Variants in GTPBP2 observed in about 807,000 individuals in gnomAD.
GTPBP2 encodes the protein GTP binding protein 2.
A neutral mutation model predicts 63.0 loss-of-function variants in GTPBP2; 32 were observed. The observed-to-expected ratio is 0.51, with a 90% CI of 0.38 to 0.68. The LOEUF is 0.68. GTPBP2 is among the 30% of genes least tolerant of loss of function. The pLI is 0.00. For missense variants in GTPBP2, 492 were observed against 796.9 expected, an observed-to-expected ratio of 0.62 and a Z score of 4.61; for synonymous variants, 310 against 322.6, an observed-to-expected ratio of 0.96 and a Z score of 0.42.
Position 43,622,672 on chromosome 6 carries a change from T to A in GTPBP2, c.1428A>T (p.Thr476=). 1 of 1,613,984 alleles carries A rather than the reference T, an allele frequency of 6.2e-7. No individual in the cohort carries two copies. The highest frequency in any genetic ancestry group is 8.5e-7 in the Non-Finnish European group (1 of 1,179,868). The change falls in exon 10 of 12, where the codon ACA becomes ACT. Residue 476 remains threonine, a synonymous_variant. Coordinates refer to ENST00000307126, the MANE Select transcript of GTPBP2 (RefSeq NM_019096.5). This position sits in a 1 kb window ranked among gnomAD's most constrained non-coding sequence, Gnocchi z 5.4. ...CACGGTCAAAGTCCCCAAGCGCCAG[T>A]GTAGCAGCCTGACCAGCTCGCAGCA... The part of the protein sequence containing the change: ...CRVLRAGQAA[T]LALGDFDRAL...
chr6:43,627,617 C>T (rs1446911069), intron 1 of GTPBP2, among the ~76,000 whole-genome samples: 1 of 152,196 alleles, frequency 6.6e-6, no homozygotes, highest in Non-Finnish European at 1.5e-5. Flanking sequence ...ATCCTGAATC[C>T]ACCCCACAGT....
upstream of GTPBP2, among the ~76,000 whole-genome samples, chr6:43,630,699 C>A (rs1397894073): frequency 1.3e-5 from 2 of 149,384 alleles, no homozygotes; most frequent in African/African-American, 5.0e-5. Context: ...CCCGAGATCA[C>A]GCCATTGCAC....
In GTPBP2 at chr6:43,627,878, TC is replaced by T. The variant is rs574083013; in HGVS notation, c.187-931del. Among the ~76,000 whole-genome samples, 734 of 151,614 alleles carry T rather than the reference TC, an allele frequency of 4.8e-3. 4 individuals are homozygous for T. The highest frequency in any genetic ancestry group is 8.7e-3 in the Non-Finnish European group (595 of 68,024). ...GGTGTGTTAAGGAGATTATTTTTTT[TC>T]CCCATCAATAAAAACCTTTTAATCA... is the stretch of plus-strand genomic sequence containing the variant. On this transcript the variant is annotated intron_variant, in intron 1 of 11. Transcript: ENST00000307126.
At position 43,622,020 on chromosome 6, in the gene GTPBP2, C is replaced by T. The variant is rs1286067142; in HGVS notation, c.1615G>A (p.Glu539Lys). 1.2e-6 allele frequency: 2 copies of T among 1,614,210 alleles called. No homozygotes were observed. The highest frequency in any genetic ancestry group is 8.5e-7 in the Non-Finnish European group (1 of 1,180,034). Reference sequence around the variant, plus strand: ...CCTCTCACCTTGGCATGGATCTTTTCCACCACTGCCGTCTGACGTACGTTG... The same window carrying T: ...CCTCTCACCTTGGCATGGATCTTTTTCACCACTGCCGTCTGACGTACGTTG... ...VGNVRQTAVV[E>K]KIHAKDKLRT... Residue 539 changes from glutamate to lysine, a missense_variant, in exon 11 of 12, where the codon GAA becomes AAA. Transcript: ENST00000307126. This position sits in a 1 kb window ranked among gnomAD's most constrained non-coding sequence, Gnocchi z 5.4.
At chr6:43,621,973 T>C (rs1561922065) in intron 11 of GTPBP2, 30 bp downstream of exon 11, 2 of 1,613,098 alleles carry the variant, frequency 1.2e-6, no homozygotes, top group Non-Finnish European at 1.7e-6. Flanking sequence ...TTCTGACCTC[T>C]GGAGAAATGG....
rs371010958 is a variant in GTPBP2, at chr6:43,624,623, T to C, written c.987A>G (p.Thr329=). 2.5e-6 allele frequency: 4 copies of C among 1,613,996 alleles called. No individual in the cohort carries two copies. The highest frequency in any genetic ancestry group is 3.3e-5 in the Admixed American group (2 of 60,000). The change falls in exon 7 of 12, where the codon ACA becomes ACG. Residue 329 remains threonine (T), a synonymous_variant. Coordinates refer to ENST00000307126, the MANE Select transcript of GTPBP2 (RefSeq NM_019096.5). The surrounding 1 kb of genome is among the most constrained non-coding windows in gnomAD (Gnocchi z 5.1). The stretch of plus-strand genomic sequence containing the variant: ...TGAGGACCCGCTCCAGCTGGCGTAC[T>C]GTCCTCTCCACTGTGGTCTTGGCAC... The part of the protein sequence containing the change: ...DLCAKTTVER[T]VRQLERVLKQ...
In GTPBP2 at chr6:43,620,551, A is replaced by G. The variant is rs1370804581; in HGVS notation, c.*1063T>C. ...TATGTGTATTTAAATATATATACATATGTATATATATATATATGCACAGAG... is the reference window on the plus strand; with the variant it reads ...TATGTGTATTTAAATATATATACATGTGTATATATATATATATGCACAGAG... On this transcript the variant is annotated 3_prime_UTR_variant, in exon 12 of 12. Coordinates refer to ENST00000307126, the MANE Select transcript of GTPBP2 (RefSeq NM_019096.5). 6.2e-6 allele frequency: 1 copy of G among 160,660 alleles called. No homozygotes were observed. The highest frequency in any genetic ancestry group is 2.5e-5 in the African/African-American group (1 of 40,060). 10.0% of individuals were successfully genotyped at this position (160,660 alleles called of 1,614,324 possible). A position where few individuals can be genotyped will look rare whatever the true frequency, so the allele number is the denominator to read the frequency against.
Position 43,621,996 on chromosome 6 carries a change from C to T in GTPBP2, c.1632+7G>A. The T allele has an allele frequency of 6.2e-7, 1 of 1,613,952 alleles. No individual in the cohort carries two copies. On this transcript the variant is annotated splice_region_variant and intron_variant, in intron 11 of 11. Transcript: ENST00000307126. ...TCTGGAGAAATGGAAGGCCAGGTCCCTCTCACCTTGGCATGGATCTTTTCC... is the reference window on the plus strand; with the variant it reads ...TCTGGAGAAATGGAAGGCCAGGTCCTTCTCACCTTGGCATGGATCTTTTCC...
At position 43,629,062 on chromosome 6, in the gene GTPBP2, C is replaced by G. The variant is rs1769698591; in HGVS notation, c.101G>C (p.Ser34Thr). The change falls in exon 1 of 12, where the codon AGC (serine) becomes ACC (threonine). Residue 34 changes from serine to threonine, a missense_variant. This residue lies in a region of GTPBP2 where 92 missense variants were observed against 86.1 expected (regional missense o/e 1.07). Transcript: ENST00000307126. Reference sequence around the variant, plus strand: ...CTTTCCCTTTGGCCCCCCGCAGCCGCTGCTGCTGCCGGCCCCCCTAGCCTT... The same window carrying G: ...CTTTCCCTTTGGCCCCCCGCAGCCGGTGCTGCTGCCGGCCCCCCTAGCCTT... ...TLKARGAGSS[S>T]GCGGPKGKKK... 31 of 1,608,280 alleles carry G rather than the reference C, an allele frequency of 1.9e-5. No homozygotes were observed. Among genetic ancestry groups the G allele is most frequent in the Non-Finnish European group, 2.6e-5 (31 of 1,177,388 alleles).
upstream of GTPBP2, among the ~76,000 whole-genome samples, chr6:43,630,312 A>G (rs957904283): frequency 1.3e-5 from 2 of 152,232 alleles, no homozygotes; most frequent in African/African-American, 4.8e-5. Flanking sequence ...AAAAGCAGTT[A>G]TGTTGCTGAG....
Position 43,621,144 on chromosome 6 carries a change from G to C in GTPBP2, c.*470C>G. The C allele has an allele frequency of 3.0e-6, 1 of 328,220 alleles. No homozygotes were observed. 20.3% of individuals were successfully genotyped at this position (328,220 alleles called of 1,614,324 possible). A position where few individuals can be genotyped will look rare whatever the true frequency, so the allele number is the denominator to read the frequency against. ...CACCACCACCAGATGGCCAAGAGCA[G>C]ATAACCTTTTGTCCACAGCCAGGTA... On this transcript the variant is annotated 3_prime_UTR_variant, in exon 12 of 12. Coordinates refer to ENST00000307126, the MANE Select transcript of GTPBP2 (RefSeq NM_019096.5).
In GTPBP2 at chr6:43,622,926, TA is replaced by T. The variant is rs1306067329; in HGVS notation, c.1296-123del. ...GAGTCCCTCAAGTGGGGAAGAACCCTAAATTCTGACTTGGATGTAACAGGGC... is the reference window on the plus strand; with the variant it reads ...GAGTCCCTCAAGTGGGGAAGAACCCTAATTCTGACTTGGATGTAACAGGGC... On this transcript the variant is annotated intron_variant, in intron 9 of 11. Coordinates refer to ENST00000307126, the MANE Select transcript of GTPBP2 (RefSeq NM_019096.5). This position sits in a 1 kb window ranked among gnomAD's most constrained non-coding sequence, Gnocchi z 5.4. The T allele has an allele frequency of 2.7e-6, 2 of 731,674 alleles. No homozygotes were observed. The highest frequency in any genetic ancestry group is 4.4e-6 in the Non-Finnish European group (2 of 455,596). The allele number at this position is 731,674 out of a possible 1,614,324, so 45.3% of individuals were successfully genotyped here. A position where few individuals can be genotyped will look rare whatever the true frequency, so the allele number is the denominator to read the frequency against.
chr6:43,626,837 A>AAAG lies in GTPBP2; in HGVS notation c.213+84_213+85insCTT. The AAAG allele has an allele frequency of 3.5e-6, 4 of 1,141,932 alleles. No homozygotes were observed. The highest frequency in any genetic ancestry group is 5.1e-6 in the Non-Finnish European group (4 of 784,600). The allele number at this position is 1,141,932 out of a possible 1,614,324, so 70.7% of individuals were successfully genotyped here. On this transcript the variant is annotated intron_variant, in intron 2 of 11. Coordinates refer to ENST00000307126, the MANE Select transcript of GTPBP2 (RefSeq NM_019096.5). This position sits in a 1 kb window ranked among gnomAD's most constrained non-coding sequence, Gnocchi z 4.0. ...GAGCAAAACTTCATCTCAAAAAAAA[A>AAAG]AAAGAAAGAAAGAAAAAAGAAATTA... is the stretch of plus-strand genomic sequence containing the variant.
chr6:43,623,446 G>GT (rs1218847395), intron 9 of GTPBP2: 2 of 449,632 alleles, frequency 4.4e-6, no homozygotes, highest in African/African-American at 4.0e-5. Context: ...TCATTTCCCT[G>GT]TGTGAGATGA....
In GTPBP2 at chr6:43,624,215, T is replaced by C. The variant is rs1401236254; in HGVS notation, c.1101-147A>G. 3 of 701,132 alleles carry C rather than the reference T, an allele frequency of 4.3e-6. No individual in the cohort carries two copies. Among genetic ancestry groups the C allele is most frequent in the East Asian group, 2.6e-5 (1 of 38,336 alleles). 43.4% of individuals were successfully genotyped at this position (701,132 alleles called of 1,614,324 possible). A position where few individuals can be genotyped will look rare whatever the true frequency, so the allele number is the denominator to read the frequency against. On this transcript the variant is annotated intron_variant, in intron 7 of 11. Coordinates refer to ENST00000307126, the MANE Select transcript of GTPBP2 (RefSeq NM_019096.5). The surrounding 1 kb of genome is among the most constrained non-coding windows in gnomAD (Gnocchi z 5.1). ...ATGGCTCAGGAACTCTGGGCCTTCT[T>C]GTGAGCCAGTCGAGCAATGTCACAC...
chr6:43,630,162 C>T (rs995668297), upstream of GTPBP2, among the ~76,000 whole-genome samples: 1 of 152,232 alleles, frequency 6.6e-6, no homozygotes, highest in African/African-American at 2.4e-5. Flanking sequence ...GGAATAGAAA[C>T]TTGGCCTAGG....
chr6:43,625,504 C>T lies in GTPBP2; in HGVS notation c.564G>A (p.Leu188=). The change falls in exon 5 of 12, where the codon CTG becomes CTA. Residue 188 remains leucine (L), a synonymous_variant. Transcript: ENST00000307126. This position sits in a 1 kb window ranked among gnomAD's most constrained non-coding sequence, Gnocchi z 5.1. ...LGNVDSGKST[L]LGVLTQGELD... The stretch of plus-strand genomic sequence containing the variant: ...GCTCTCCCTGGGTCAGGACTCCAAG[C>T]AGAGTTGACTTCCCAGAGTCCACAT... 2 of 1,614,082 alleles carry T rather than the reference C, an allele frequency of 1.2e-6. No individual in the cohort carries two copies. The highest frequency in any genetic ancestry group is 2.2e-5 in the South Asian group (2 of 91,082).
Position 43,621,299 on chromosome 6 carries a change from G to A in GTPBP2, c.*315C>T. 1 of 713,220 alleles carries A rather than the reference G, an allele frequency of 1.4e-6. No homozygotes were observed. Among genetic ancestry groups the A allele is most frequent in the Non-Finnish European group, 2.3e-6 (1 of 439,998 alleles). The allele number at this position is 713,220 out of a possible 1,614,324, so 44.2% of individuals were successfully genotyped here. ...CAAAACATGCCCAGTCTTAGTAGTG[G>A]GGACGAAGAATTGATGAGTGGATCC... On this transcript the variant is annotated 3_prime_UTR_variant, in exon 12 of 12. Transcript: ENST00000307126.
chr6:43,630,741 TAAAAA>T (rs200805129), upstream of GTPBP2, among the ~76,000 whole-genome samples: 3,346 of 118,958 alleles, frequency 0.028, 67 homozygotes, highest in South Asian at 0.09. Context: ...AGACTCCAAC[TAAAAA>T]AAAAAAAAAA....
Sources: gnomAD v4.1 joint callset for allele counts (sites outside exome capture counted in the v4.1 genomes callset) on GRCh38, gnomAD v4.1.1 for gene constraint, gnomAD v4.1.1 regional missense constraint, Gnocchi (gnomAD v3.1) non-coding constraint, MANE v1.5 for transcripts, NCBI Gene and HGNC (gene_info 2026-07-23, HGNC 2026-07-21) for gene names.